CRPPA: variants seen among roughly 807,000 people sequenced by gnomAD.
The protein encoded by CRPPA is D-ribitol-5-phosphate cytidylyltransferase.
In CRPPA, 43 loss-of-function variants were observed where a neutral mutation model predicts 52.0. The ratio of observed to expected loss-of-function variants is 0.83; its 90% confidence interval spans 0.65 to 1.07. The LOEUF (loss-of-function observed/expected upper bound fraction) is 1.07, where lower values mean the gene tolerates loss of function less well. CRPPA is among the 50% of genes least tolerant of loss of function. The pLI, the probability that CRPPA is intolerant of heterozygous loss-of-function variation, is 0.00. For missense variants in CRPPA, 629 were observed against 551.7 expected (o/e 1.14, Z -1.40); for synonymous variants, 250 against 203.5 (o/e 1.23, Z -1.94).
chr7:16,141,098 T>C (rs1330529442), intron 9 of CRPPA, among the ~76,000 whole-genome samples: 3 of 152,186 alleles, frequency 2.0e-5, no homozygotes, highest in African/African-American at 7.2e-5. Context: ...GTCAAGAAAC[T>C]ATTGCCCTCT....
rs1177570221 is a variant in CRPPA at position 16,107,480 on chromosome 7, A to AT, written c.1252-15682dup. 2.0e-5 allele frequency among the ~76,000 whole-genome samples: 3 copies of AT among 152,172 alleles called. 1 individual carries two copies. Among genetic ancestry groups the AT allele is most frequent in the African/African-American group, 7.2e-5 (3 of 41,458 alleles). ...TGGGATGATATATTCAAAGTCTTAA[A>AT]TAAAAAAAAAGACAAACAACAAAGA... On this transcript the variant is annotated intron_variant, in intron 9 of 9. Coordinates refer to ENST00000407010, the MANE Select transcript of CRPPA (RefSeq NM_001101426.4).
At chr7:16,134,868 C>A (rs1782736263) in intron 9 of CRPPA, among the ~76,000 whole-genome samples, 2 of 152,064 alleles carry the variant, frequency 1.3e-5, no homozygotes, top group African/African-American at 4.8e-5. Context: ...AATCATAAAG[C>A]AAAGGTAGTG....
chr7:16,242,115 C>G (rs1009755249), intron 8 of CRPPA, among the ~76,000 whole-genome samples: 1 of 151,428 alleles, frequency 6.6e-6, no homozygotes, highest in African/African-American at 2.4e-5. Context: ...CCACCACACC[C>G]GGCTAATTTT....
chr7:16,319,984 G>A (rs1024424241), intron 3 of CRPPA, among the ~76,000 whole-genome samples: 6 of 152,184 alleles, frequency 3.9e-5, no homozygotes, highest in Admixed American at 1.3e-4. Flanking sequence ...ACAGCAAACA[G>A]TTTTAATTCC....
chr7:16,215,929 T>TAGCAC, intron 9 of CRPPA, 137 bp downstream of exon 9: 1 of 612,406 alleles, frequency 1.6e-6, no homozygotes, highest in Non-Finnish European at 2.7e-6. Flanking sequence ...TCTACTATTA[T>TAGCAC]AGCACACACA....
chr7:16,298,819 C>T (rs1017945843), intron 5 of CRPPA, among the ~76,000 whole-genome samples: 3 of 152,156 alleles, frequency 2.0e-5, no homozygotes, highest in Non-Finnish European at 4.4e-5. Flanking sequence ...CACTGAGGTC[C>T]TGAACAGAAC....
chr7:16,175,489 TA>T (rs1781275504), intron 9 of CRPPA, among the ~76,000 whole-genome samples: 2 of 152,110 alleles, frequency 1.3e-5, no homozygotes, highest in South Asian at 4.1e-4. Context: ...ATGAAAAAGT[TA>T]AAAATGCCAG....
intron 3 of CRPPA, among the ~76,000 whole-genome samples, chr7:16,367,915 G>C (rs1344748725): frequency 6.6e-6 from 1 of 152,022 alleles, no homozygotes; most frequent in Non-Finnish European, 1.5e-5. Flanking sequence ...CAAAGCAAAA[G>C]GTACATAATT....
At chr7:16,301,514 G>C in intron 4 of CRPPA, 48 bp from the exon 5 acceptor site, 2 of 1,412,128 alleles carry the variant, frequency 1.4e-6, no homozygotes, top group Non-Finnish European at 2.0e-6. Flanking sequence ...AGGAAGGAAT[G>C]TGCAAGCAAT....
intron 1 of CRPPA, among the ~76,000 whole-genome samples, chr7:16,407,421 C>A (rs1253066209): frequency 6.6e-6 from 1 of 152,188 alleles, no homozygotes; most frequent in Non-Finnish European, 1.5e-5. Flanking sequence ...AGTCAATATA[C>A]CACAGCCCAA....
chr7:16,357,551 C>T (rs1352623100), intron 3 of CRPPA, among the ~76,000 whole-genome samples: 1 of 152,128 alleles, frequency 6.6e-6, no homozygotes, highest in Non-Finnish European at 1.5e-5. Flanking sequence ...ATATCCCCCT[C>T]AATTCCCCGC....
chr7:16,358,436 G>C (rs961385175), intron 3 of CRPPA, among the ~76,000 whole-genome samples: 1 of 152,100 alleles, frequency 6.6e-6, no homozygotes, highest in Non-Finnish European at 1.5e-5. Context: ...CCTTTCACGG[G>C]CTAAATCCCT....
At chr7:16,179,034 T>TTAGA (rs147781755) in intron 9 of CRPPA, among the ~76,000 whole-genome samples, 9,624 of 152,142 alleles carry the variant, frequency 0.063, 385 homozygotes, top group East Asian at 0.14. Flanking sequence ...TTATCTCAAT[T>TTAGA]TAGACACTGT....
chr7:16,347,440 C>A (rs1434697377), intron 3 of CRPPA, among the ~76,000 whole-genome samples: 1 of 152,116 alleles, frequency 6.6e-6, no homozygotes, highest in South Asian at 2.1e-4. Flanking sequence ...AGTCAAGATC[C>A]ACTTTACCCA....
intron 6 of CRPPA, chr7:16,276,708 G>C (rs1784210080): frequency 6.6e-6 from 1 of 152,174 alleles, no homozygotes; most frequent in Non-Finnish European, 1.5e-5. Flanking sequence ...AAGGATTGTA[G>C]TGGCTATCAC....
At chr7:16,232,928 A>T (rs1782845741) in intron 8 of CRPPA, among the ~76,000 whole-genome samples, 1 of 152,200 alleles carries the variant, frequency 6.6e-6, no homozygotes, top group Non-Finnish European at 1.5e-5. Context: ...ACATTAAAAC[A>T]GTTATTAAAA....
intron 2 of CRPPA, among the ~76,000 whole-genome samples, chr7:16,378,003 T>C (rs746260809): frequency 4.6e-4 from 70 of 152,126 alleles, no homozygotes; most frequent in Non-Finnish European, 9.1e-4. Context: ...ACTGCCCTCA[T>C]GTAGATCACA....
chr7:16,153,280 C>G (rs911774621), intron 9 of CRPPA, among the ~76,000 whole-genome samples: 37 of 152,048 alleles, frequency 2.4e-4, no homozygotes, highest in South Asian at 1.7e-3. Context: ...CAACATAAAT[C>G]AAGGGTCAAC....
intron 9 of CRPPA, among the ~76,000 whole-genome samples, chr7:16,109,401 A>G (rs376014637): frequency 6.6e-6 from 1 of 152,080 alleles, no homozygotes. Context: ...AAGTAAGGAG[A>G]GTGAATCAAG....
Sources: allele counts gnomAD v4.1 joint callset (sites outside exome capture counted in the v4.1 genomes callset), GRCh38; gene constraint gnomAD v4.1.1; transcripts MANE v1.5; gene names NCBI Gene and HGNC (gene_info 2026-07-23, HGNC 2026-07-21).